Variants in HNF4A observed in about 807,000 individuals in gnomAD.
HNF4A encodes the protein hepatocyte nuclear factor 4-alpha.
Under a neutral mutation model 52.4 loss-of-function variants are expected in HNF4A, and 15 were observed. That is an observed-to-expected ratio of 0.29 (90% CI 0.19 to 0.44). The LOEUF is 0.44. HNF4A is among the 20% of genes least tolerant of loss of function. The pLI, the probability that HNF4A is intolerant of heterozygous loss-of-function variation, is 1.00. For missense variants in HNF4A, 479 were observed against 647.2 expected (o/e 0.74, Z 2.82); for synonymous variants, 280 against 264.4 (o/e 1.06, Z -0.57).
At chr20:44,403,959 G>A (rs558351231) in intron 1 of HNF4A, among the ~76,000 whole-genome samples, 2 of 152,258 alleles carry the variant, frequency 1.3e-5, no homozygotes, top group East Asian at 3.9e-4. Flanking sequence ...GTCGGGGGAG[G>A]AGAGGCCGAG....
chr20:44,411,025 C>A (rs1481820000), intron 3 of HNF4A, among the ~76,000 whole-genome samples: 1 of 152,180 alleles, frequency 6.6e-6, no homozygotes, highest in Admixed American at 6.5e-5. Context: ...AGTGGGCCAA[C>A]AGCAGGTCAA....
rs143163374 is a variant in HNF4A, at chr20:44,412,552, G to A, written c.386-1142G>A. Among the ~76,000 whole-genome samples, 1,091 of 152,232 alleles carry A rather than the reference G, an allele frequency of 7.2e-3. 6 individuals carry two copies. The highest frequency in any genetic ancestry group is 0.022 in the African/African-American group (911 of 41,524). On this transcript the variant is annotated intron_variant, in intron 3 of 9. Transcript: ENST00000316099. ...GATCCGAGAGGAGAGGAAGGGCCCT[G>A]GGGACTTGTGAGGTTGGAAGGCACT... is the stretch of plus-strand genomic sequence containing the variant.
upstream of HNF4A, among the ~76,000 whole-genome samples, chr20:44,397,989 C>A (rs2425638): frequency 6.6e-6 from 1 of 152,010 alleles, no homozygotes; most frequent in East Asian, 1.9e-4. Context: ...CCTTTTCCAC[C>A]TCCCGTTCTT....
intron 3 of HNF4A, among the ~76,000 whole-genome samples, chr20:44,411,189 G>A (rs1413475820): frequency 6.6e-6 from 1 of 152,066 alleles, no homozygotes; most frequent in Non-Finnish European, 1.5e-5. Flanking sequence ...ATGGGCCAGG[G>A]GCCATCTGAA....
chr20:44,433,685 C>T (rs1222326678), downstream of HNF4A: 3 of 152,192 alleles, frequency 2.0e-5, no homozygotes, highest in Non-Finnish European at 4.4e-5. Flanking sequence ...TGTCTCAAAA[C>T]ATAAATAATA....
chr20:44,390,154 T>C (rs2146297692), intron 1 of HNF4A, among the ~76,000 whole-genome samples: 1 of 152,204 alleles, frequency 6.6e-6, no homozygotes, highest in African/African-American at 2.4e-5. Flanking sequence ...TCTGGCAGAC[T>C]CTGAAGCCTG....
chr20:44,396,147 G>A (rs181433316), intron 1 of HNF4A, among the ~76,000 whole-genome samples: 88 of 152,248 alleles, frequency 5.8e-4, no homozygotes, highest in African/African-American at 1.9e-3. Context: ...AGGCAGACTC[G>A]GGTTCAAACA....
intron 1 of HNF4A, among the ~76,000 whole-genome samples, chr20:44,374,392 T>C (rs1014893447): frequency 1.3e-5 from 2 of 152,208 alleles, no homozygotes; most frequent in African/African-American, 4.8e-5. Flanking sequence ...TACTATTCCA[T>C]AGTGTATATG....
At chr20:44,363,894 C>T (rs1205750687) in intron 1 of HNF4A, among the ~76,000 whole-genome samples, 1 of 151,954 alleles carries the variant, frequency 6.6e-6, no homozygotes, top group Non-Finnish European at 1.5e-5. Flanking sequence ...ATGGGTTTCA[C>T]CATGTTGGCT....
At position 44,419,751 on chromosome 20, in the gene HNF4A, C is replaced by G; in HGVS notation, c.767C>G (p.Pro256Arg). Residue 256 changes from proline to arginine, a missense_variant, in exon 7 of 10, where the codon CCG becomes CGG. Around this residue, in one of 3 missense-constraint regions of HNF4A, gnomAD observed 389 missense variants for 525.1 expected, o/e 0.74. Coordinates refer to ENST00000316099, the MANE Select transcript of HNF4A (RefSeq NM_000457.6). ...GACTACATTGTCCCTCGGCACTGCC[C>G]GGAGCTGGCGGAGATGAGCCGGGTG... 1 of 1,614,158 alleles carries G rather than the reference C, an allele frequency of 6.2e-7. No individual in the cohort carries two copies.
At chr20:44,382,799 A>G (rs1434701243) in intron 1 of HNF4A, among the ~76,000 whole-genome samples, 1 of 152,162 alleles carries the variant, frequency 6.6e-6, no homozygotes. Flanking sequence ...TCCCATCTAC[A>G]CTAAATAAAT....
intron 8 of HNF4A, among the ~76,000 whole-genome samples, chr20:44,425,126 C>T (rs1330114648): frequency 1.9e-4 from 29 of 152,142 alleles, no homozygotes; most frequent in Admixed American, 1.3e-4. Context: ...GGATTACAGG[C>T]GCCCGCCACC....
intron 2 of HNF4A, among the ~76,000 whole-genome samples, 170 bp from the exon 3 acceptor site, chr20:44,407,211 A>C (rs2063513514): frequency 6.6e-6 from 1 of 152,144 alleles, no homozygotes; most frequent in Non-Finnish European, 1.5e-5. Flanking sequence ...CTGGGCTCTT[A>C]GAGAGTTCAT....
At chr20:44,364,120 C>T (rs1297856259) in intron 1 of HNF4A, among the ~76,000 whole-genome samples, 8 of 152,158 alleles carry the variant, frequency 5.3e-5, no homozygotes, top group Admixed American at 2.0e-4. Flanking sequence ...TGGGTAGGGA[C>T]GTGTTCAAAT....
At chr20:44,375,495 G>GT (rs11476597) in intron 1 of HNF4A, among the ~76,000 whole-genome samples, 5,854 of 141,914 alleles carry the variant, frequency 0.041, 128 homozygotes, top group Non-Finnish European at 0.047. Flanking sequence ...AAATGTTTTT[G>GT]TTTTTTTTTT....
rs2063037266 is a variant in HNF4A at position 44,371,829 on chromosome 20, A to C, written c.49+15976A>C. On this transcript the variant is annotated intron_variant, in intron 1 of 9. Transcript: ENST00000316673. ...CAGAGCAAGACCCTGTCAAAAAAAT[A>C]AATTAAAGAAAATCCCAACTTTCAC... Among the ~76,000 whole-genome samples, 3 of 152,086 alleles carry C rather than the reference A, an allele frequency of 2.0e-5. No homozygotes were observed. In the South Asian group the frequency reaches 6.2e-4, roughly 32 times the overall value.
chr20:44,406,000 C>CT, intron 1 of HNF4A, 58 bp from the exon 2 acceptor site: 1 of 1,539,804 alleles, frequency 6.5e-7, no homozygotes, highest in Non-Finnish European at 8.9e-7. Context: ...GCAAGGCTCC[C>CT]TTAGATGCCT....
At chr20:44,376,140 C>A (rs925033842) in intron 1 of HNF4A, among the ~76,000 whole-genome samples, 1 of 152,084 alleles carries the variant, frequency 6.6e-6, no homozygotes, top group African/African-American at 2.4e-5. Flanking sequence ...TGGCATGCAC[C>A]TGTAATCCTA....
chr20:44,365,657 T>A (rs2062963189), intron 1 of HNF4A, among the ~76,000 whole-genome samples: 1 of 152,136 alleles, frequency 6.6e-6, no homozygotes. Context: ...TTGGAGAAAA[T>A]GAAATTCTTA....
Sources: allele counts gnomAD v4.1 joint callset (sites outside exome capture counted in the v4.1 genomes callset), GRCh38; gene constraint gnomAD v4.1.1; regional missense constraint gnomAD v4.1.1; transcripts MANE v1.5; gene names NCBI Gene and HGNC (gene_info 2026-07-23, HGNC 2026-07-21).